The following PLCL2 variants were observed in gnomAD, a reference collection of about 807,000 sequenced individuals.
PLCL2 encodes the protein inactive phospholipase C-like protein 2.
PLCL2 carries 4 observed loss-of-function variants against 79.6 expected under a neutral mutation model. The ratio of observed to expected loss-of-function variants is 0.05; its 90% CI spans 0.02 to 0.11. The LOEUF is 0.11. PLCL2 is among the 10% of genes least tolerant of loss of function. PLCL2 has a pLI of 1.00. For missense variants in PLCL2, 895 were observed against 1,291.0 expected, an observed-to-expected ratio of 0.69 and a Z score of 4.70; for synonymous variants, 484 against 457.7, an observed-to-expected ratio of 1.06 and a Z score of -0.73.
At chr3:16,931,024 C>T (rs1179897420) in intron 1 of PLCL2, among the ~76,000 whole-genome samples, 2 of 152,036 alleles carry the variant, frequency 1.3e-5, no homozygotes, top group Non-Finnish European at 2.9e-5. Flanking sequence ...CCAATGCCTT[C>T]TGCTTGGAAG....
intron 1 of PLCL2, among the ~76,000 whole-genome samples, chr3:16,962,310 A>G (rs762348832): frequency 6.6e-6 from 1 of 152,146 alleles, no homozygotes; most frequent in Non-Finnish European, 1.5e-5. Context: ...GGTCAGTACA[A>G]GATGCCTCTC....
chr3:16,955,565 A>C (rs1456052874), intron 1 of PLCL2, among the ~76,000 whole-genome samples: 5 of 152,318 alleles, frequency 3.3e-5, no homozygotes, highest in Non-Finnish European at 5.9e-5. Flanking sequence ...TTCTGTGAAG[A>C]AAGTCATTGG....
intron 1 of PLCL2, among the ~76,000 whole-genome samples, chr3:16,989,008 C>T (rs1045279845): frequency 2.8e-5 from 4 of 144,594 alleles, no homozygotes; most frequent in African/African-American, 1.0e-4. Context: ...TATAACAGAG[C>T]TGTTTTTGTT....
chr3:17,085,035 A>C (rs1352404580), intron 5 of PLCL2, among the ~76,000 whole-genome samples: 2 of 152,182 alleles, frequency 1.3e-5, no homozygotes, highest in African/African-American at 2.4e-5. Context: ...GAAAATCCAA[A>C]AGAATTGACA....
chr3:16,911,909 C>T (rs1033743226), intron 1 of PLCL2, among the ~76,000 whole-genome samples: 4 of 152,112 alleles, frequency 2.6e-5, no homozygotes, highest in East Asian at 3.8e-4. Flanking sequence ...AACTTTGTTT[C>T]GTACACAAAA....
chr3:17,071,187 G>T lies in PLCL2; in HGVS notation c.3204+3122G>T, dbSNP rs2065056951. 2.0e-5 allele frequency among the ~76,000 whole-genome samples: 3 copies of T among 152,178 alleles called. 1 individual carries two copies. The South Asian group carries it at 6.2e-4, about 32-fold the overall frequency. On this transcript the variant is annotated intron_variant, in intron 5 of 5. Transcript: ENST00000615277. The stretch of plus-strand genomic sequence containing the variant: ...AGCCATCCTAGAAGCAAGACATTCA[G>T]TGCTAAAACCAGGACAATCTGGGCA...
intron 1 of PLCL2, among the ~76,000 whole-genome samples, chr3:16,885,707 C>A (rs763452591): frequency 6.6e-6 from 1 of 152,160 alleles, no homozygotes; most frequent in Non-Finnish European, 1.5e-5. Flanking sequence ...TGTAAGATTT[C>A]TATTGTATCT....
At chr3:17,055,502 T>G (rs1315626016) in intron 4 of PLCL2, among the ~76,000 whole-genome samples, 3 of 152,188 alleles carry the variant, frequency 2.0e-5, no homozygotes. Flanking sequence ...CAACCGTCCC[T>G]GTAACCTTCA....
chr3:16,901,181 G>C (rs556802246), intron 1 of PLCL2, among the ~76,000 whole-genome samples: 64 of 152,356 alleles, frequency 4.2e-4, no homozygotes, highest in African/African-American at 1.5e-3. Context: ...AGTCAGACCT[G>C]TTTGTTCCAA....
At position 16,936,523 on chromosome 3, in the gene PLCL2, A is replaced by G. The variant is rs542134398; in HGVS notation, c.327+51157A>G. 7.0e-4 allele frequency among the ~76,000 whole-genome samples: 106 copies of G among 152,332 alleles called. 1 individual carries two copies. The highest frequency in any genetic ancestry group is 2.5e-3 in the African/African-American group (102 of 41,578). Reference sequence around the variant, plus strand: ...TGTGTTTTTGCCAGATTGTTTAAAAAAAAAAGAAAGAAAGAAAAAGCAAAC... The same window carrying G: ...TGTGTTTTTGCCAGATTGTTTAAAAGAAAAAGAAAGAAAGAAAAAGCAAAC... On this transcript the variant is annotated intron_variant, in intron 1 of 5. Coordinates refer to ENST00000615277, the MANE Select transcript of PLCL2 (RefSeq NM_001144382.2).
chr3:16,961,636 C>T (rs79078872), intron 1 of PLCL2, among the ~76,000 whole-genome samples: 1 of 152,090 alleles, frequency 6.6e-6, no homozygotes, highest in African/African-American at 2.4e-5. Flanking sequence ...TCCCACCAGA[C>T]AGGAATAACA....
At chr3:17,063,581 T>A (rs1480836050) in intron 4 of PLCL2, among the ~76,000 whole-genome samples, 1 of 151,934 alleles carries the variant, frequency 6.6e-6, no homozygotes, top group African/African-American at 2.4e-5. Context: ...CCTCCAGTGA[T>A]TCTGTTACTC....
intron 1 of PLCL2, among the ~76,000 whole-genome samples, chr3:16,939,881 A>G (rs922632135): frequency 6.6e-6 from 1 of 152,148 alleles, no homozygotes; most frequent in Non-Finnish European, 1.5e-5. Flanking sequence ...GAAACAGTCT[A>G]TTTTCCTTCC....
intron 5 of PLCL2, among the ~76,000 whole-genome samples, chr3:17,088,163 T>C (rs1246954087): frequency 6.6e-6 from 1 of 152,186 alleles, no homozygotes; most frequent in Non-Finnish European, 1.5e-5. Flanking sequence ...TTGGGCCTCA[T>C]GACGGTTTAA....
intron 1 of PLCL2, among the ~76,000 whole-genome samples, chr3:17,006,326 C>T (rs1385906878): frequency 6.6e-6 from 1 of 152,164 alleles, no homozygotes; most frequent in African/African-American, 2.4e-5. Context: ...CATTGAACAC[C>T]AGTTCTCCTT....
chr3:17,022,770 G>C (rs993876277), intron 3 of PLCL2, among the ~76,000 whole-genome samples: 1 of 152,144 alleles, frequency 6.6e-6, no homozygotes, highest in Admixed American at 6.5e-5. Flanking sequence ...ACCTTATGCT[G>C]TATGGCAGAG....
At position 16,974,945 on chromosome 3, in the gene PLCL2, C is replaced by T. The variant is rs185257202; in HGVS notation, c.328-34729C>T. On this transcript the variant is annotated intron_variant, in intron 1 of 5. Transcript: ENST00000615277. ...ATGGCCCAGACACTTGGAATTCCTC[C>T]GGAGTCTCCTGCTTCTGTTTAGTTT... Among the ~76,000 whole-genome samples, 653 of 152,230 alleles carry T rather than the reference C, an allele frequency of 4.3e-3. 4 individuals are homozygous for T. Among genetic ancestry groups the T allele is most frequent in the African/African-American group, 0.014 (598 of 41,540 alleles).
At chr3:16,892,621 C>A (rs1445263158) in intron 1 of PLCL2, among the ~76,000 whole-genome samples, 1 of 152,134 alleles carries the variant, frequency 6.6e-6, no homozygotes, top group Admixed American at 6.5e-5. Context: ...ATCTGGAGTA[C>A]TGATAAGAGT....
intron 2 of PLCL2, among the ~76,000 whole-genome samples, chr3:17,012,394 C>T (rs2064336062): frequency 1.3e-5 from 2 of 152,200 alleles, no homozygotes; most frequent in South Asian, 4.1e-4. Flanking sequence ...TGCTGTGTTA[C>T]ACACCTTCAT....
Sources: gnomAD v4.1 joint callset for allele counts (sites outside exome capture counted in the v4.1 genomes callset) on GRCh38, gnomAD v4.1.1 for gene constraint, MANE v1.5 for transcripts, NCBI Gene and HGNC (gene_info 2026-07-23, HGNC 2026-07-21) for gene names.